The following KCNJ4 variants were observed in gnomAD, a reference collection of about 807,000 sequenced individuals.
KCNJ4 encodes the protein potassium inwardly rectifying channel subfamily J member 4.
KCNJ4 carries 3 observed loss-of-function variants against 25.6 expected under a neutral mutation model. The observed-to-expected ratio is 0.12, with a 90% CI of 0.05 to 0.30. The LOEUF (loss-of-function observed/expected upper bound fraction) is 0.30, where lower values mean the gene tolerates loss of function less well. KCNJ4 is among the 10% of genes least tolerant of loss of function. The probability of loss-of-function intolerance (pLI) is 1.00; values close to 1 mark genes in which losing one functional copy is unlikely to be tolerated. For synonymous variants in KCNJ4, 257 were observed against 283.9 expected (o/e 0.91, Z 0.95); for missense variants, 286 against 666.8 (o/e 0.43, Z 6.29).
chr22:38,438,137 G>T (rs528890116), intron 1 of KCNJ4, among the ~76,000 whole-genome samples: 1 of 151,634 alleles, frequency 6.6e-6, no homozygotes, highest in Non-Finnish European at 1.5e-5. Context: ...TACTAGGGAG[G>T]CTGAGGCAGG....
intron 1 of KCNJ4, among the ~76,000 whole-genome samples, chr22:38,450,489 T>C (rs961023929): frequency 2.0e-5 from 3 of 152,104 alleles, no homozygotes; most frequent in African/African-American, 4.8e-5. Context: ...CTGTAGCACA[T>C]GTGCCATTTC....
chr22:38,440,217 C>T lies in KCNJ4; in HGVS notation c.-39-12046G>A, dbSNP rs528673891. ...CTGAGCCCAGGAGTTTCAGATCAGC[C>T]TCGGCAACATAGTGAAACTCTTTCC... On this transcript the variant is annotated intron_variant, in intron 1 of 1. Transcript: ENST00000303592. Among the ~76,000 whole-genome samples the T allele has an allele frequency of 2.6e-5, 4 of 152,092 alleles. No homozygotes were observed. The East Asian group carries it at 7.8e-4, about 30-fold the overall frequency.
Position 38,427,463 on chromosome 22 carries a change from T to A in KCNJ4, c.670A>T (p.Ile224Phe). The change falls in exon 2 of 2, where the codon ATC becomes TTC. Residue 224 changes from isoleucine (I) to phenylalanine (F), a missense_variant. Transcript: ENST00000303592. ...IVEAHVRAQL[I>F]KPYMTQEGEY... ...CCCTCCTGGGTCATGTAGGGCTTGATGAGCTGGGCCCGCACGTGGGCCTCC... is the reference window on the plus strand; with the variant it reads ...CCCTCCTGGGTCATGTAGGGCTTGAAGAGCTGGGCCCGCACGTGGGCCTCC... 1 of 1,612,600 alleles carries A rather than the reference T, an allele frequency of 6.2e-7. No individual in the cohort carries two copies.
chr22:38,439,145 G>C (rs1370516071), intron 1 of KCNJ4, among the ~76,000 whole-genome samples: 1 of 152,246 alleles, frequency 6.6e-6, no homozygotes, highest in Non-Finnish European at 1.5e-5. Context: ...TCAGGAGGCT[G>C]AGGTGGGAGG....
chr22:38,448,070 A>AAG (rs2089387279), intron 1 of KCNJ4, among the ~76,000 whole-genome samples: 4 of 150,438 alleles, frequency 2.7e-5, no homozygotes, highest in African/African-American at 9.8e-5. Flanking sequence ...AAAAAAAAAA[A>AAG]AAAAGAAAAG....
chr22:38,431,457 G>A (rs987863710), intron 1 of KCNJ4, among the ~76,000 whole-genome samples: 1 of 152,186 alleles, frequency 6.6e-6, no homozygotes, highest in East Asian at 1.9e-4. Flanking sequence ...AGTGCAGCCC[G>A]ATGGGGACAT....
intron 1 of KCNJ4, among the ~76,000 whole-genome samples, chr22:38,441,845 C>T (rs1457065832): frequency 6.6e-6 from 1 of 152,194 alleles, no homozygotes; most frequent in African/African-American, 2.4e-5. Flanking sequence ...GGCCCAAATG[C>T]CCATCCACGA....
intron 1 of KCNJ4, among the ~76,000 whole-genome samples, chr22:38,431,270 G>A (rs1017958521): frequency 3.9e-5 from 6 of 152,164 alleles, no homozygotes; most frequent in Non-Finnish European, 7.4e-5. Context: ...CACCTCTGGA[G>A]GGGCCTTGGG....
At chr22:38,440,863 G>A (rs1318790638) in intron 1 of KCNJ4, among the ~76,000 whole-genome samples, 4 of 152,186 alleles carry the variant, frequency 2.6e-5, no homozygotes, top group African/African-American at 9.7e-5. Flanking sequence ...TTTCGGGAGC[G>A]ACGGTTTCTA....
rs2089350806 is a variant in KCNJ4, at chr22:38,443,404, G to A, written c.-40+11576C>T. ...TTGGCTCCTGCTCCCTGTGTCTGCT[G>A]GACAGTGAAGAGGCATCGCGAACCC... On this transcript the variant is annotated intron_variant, in intron 1 of 1. Coordinates refer to ENST00000303592, the MANE Select transcript of KCNJ4 (RefSeq NM_152868.3). This position sits in a 1 kb window ranked among gnomAD's most constrained non-coding sequence, Gnocchi z 4.1. 6.6e-6 allele frequency among the ~76,000 whole-genome samples: 1 copy of A among 152,040 alleles called. No homozygotes were observed. The highest frequency in any genetic ancestry group is 1.5e-5 in the Non-Finnish European group (1 of 68,006).
Position 38,428,172 on chromosome 22 carries a change from C to A in KCNJ4, c.-39-1G>T. The A allele has an allele frequency of 6.3e-7, 1 of 1,574,950 alleles. No homozygotes were observed. The highest frequency in any genetic ancestry group is 8.6e-7 in the Non-Finnish European group (1 of 1,159,768). ...GTGGTCACCTGGGAAGACGCAGGGCCTGCGGAGGAGAAGCCGGACAGGTGA... is the reference window on the plus strand; with the variant it reads ...GTGGTCACCTGGGAAGACGCAGGGCATGCGGAGGAGAAGCCGGACAGGTGA... On this transcript the variant is annotated splice_acceptor_variant, in intron 1 of 1. Coordinates refer to ENST00000303592, the MANE Select transcript of KCNJ4 (RefSeq NM_152868.3). LOFTEE classifies it low-confidence loss of function (5UTR_SPLICE).
rs2089354746 is a variant in KCNJ4 at position 38,443,838 on chromosome 22, T to C, written c.-40+11142A>G. On this transcript the variant is annotated intron_variant, in intron 1 of 1. Coordinates refer to ENST00000303592, the MANE Select transcript of KCNJ4 (RefSeq NM_152868.3). This position sits in a 1 kb window ranked among gnomAD's most constrained non-coding sequence, Gnocchi z 4.1. Reference sequence around the variant, plus strand: ...CGCAGTCCATCTCCACATCACTCCCTGCTCAGAGCTCTCGTCTCCCCAGGG... The same window carrying C: ...CGCAGTCCATCTCCACATCACTCCCCGCTCAGAGCTCTCGTCTCCCCAGGG... Among the ~76,000 whole-genome samples, 1 of 152,088 alleles carries C rather than the reference T, an allele frequency of 6.6e-6. No individual in the cohort carries two copies. The highest frequency in any genetic ancestry group is 6.6e-5 in the Admixed American group (1 of 15,260).
chr22:38,429,270 G>T (rs530860072), intron 1 of KCNJ4, among the ~76,000 whole-genome samples: 8 of 152,120 alleles, frequency 5.3e-5, no homozygotes, highest in Non-Finnish European at 1.2e-4. Flanking sequence ...TGACAGTCAG[G>T]GTGGAGGAAG....
At chr22:38,447,012 AGGCTCAGAGAGGT>A (rs2089379627) in intron 1 of KCNJ4, among the ~76,000 whole-genome samples, 1 of 151,678 alleles carries the variant, frequency 6.6e-6, no homozygotes, top group African/African-American at 2.4e-5. Context: ...CAGGGGGTAA[AGGCTCAGAGAGGT>A]GAAAAACCTG....
chr22:38,454,696 CTG>C (rs1459863150), intron 1 of KCNJ4, among the ~76,000 whole-genome samples: 1 of 152,168 alleles, frequency 6.6e-6, no homozygotes, highest in Non-Finnish European at 1.5e-5. Flanking sequence ...AAGGTCATGG[CTG>C]GGGCAGGAGG....
intron 1 of KCNJ4, among the ~76,000 whole-genome samples, chr22:38,447,019 G>C (rs1485416898): frequency 6.6e-6 from 1 of 151,454 alleles, no homozygotes; most frequent in Non-Finnish European, 1.5e-5. Context: ...TAAAGGCTCA[G>C]AGAGGTGAAA....
chr22:38,444,878 C>T (rs549406478), intron 1 of KCNJ4, among the ~76,000 whole-genome samples: 1 of 152,348 alleles, frequency 6.6e-6, no homozygotes, highest in South Asian at 2.1e-4. Context: ...GTCCCCTGAG[C>T]TGGAACAGCA....
intron 1 of KCNJ4, among the ~76,000 whole-genome samples, chr22:38,450,866 C>G (rs553917450): frequency 6.6e-6 from 1 of 152,142 alleles, no homozygotes; most frequent in South Asian, 2.1e-4. Context: ...TAGACCATCT[C>G]CTGCCAAGCC....
intron 1 of KCNJ4, among the ~76,000 whole-genome samples, chr22:38,452,831 T>C (rs767872840): frequency 6.9e-6 from 1 of 145,448 alleles, no homozygotes; most frequent in Non-Finnish European, 1.5e-5. Flanking sequence ...GGGGCCAGCC[T>C]GGCTTCTCCC....
Sources: allele counts gnomAD v4.1 joint callset (sites outside exome capture counted in the v4.1 genomes callset), GRCh38; gene constraint gnomAD v4.1.1; non-coding constraint Gnocchi (gnomAD v3.1); transcripts MANE v1.5; gene names NCBI Gene and HGNC (gene_info 2026-07-23, HGNC 2026-07-21).